Variants in COXFA4 observed in about 807,000 individuals in gnomAD.
COXFA4 encodes the protein cytochrome c oxidase associated subunit FA4, also known as cytochrome c oxidase subunit FA4.
chr7:10,938,333 A>C, the COXFA4 span: 1 of 576,930 alleles, frequency 1.7e-6, no homozygotes, highest in Non-Finnish European at 3.0e-6. Context: ...ATTAGAAAAA[A>C]GGTAGAACAC....
the COXFA4 span, chr7:10,938,688 A>T: frequency 1.3e-6 from 1 of 754,816 alleles, no homozygotes; most frequent in Non-Finnish European, 2.4e-6. Flanking sequence ...ATCTGAACTT[A>T]TTGTATGACT....
the COXFA4 span, chr7:10,939,911 G>A: frequency 1.5e-6 from 2 of 1,299,326 alleles, no homozygotes; most frequent in Non-Finnish European, 2.2e-6. Context: ...TGGTCTGACG[G>A]ACGGTAAGTG....
the COXFA4 span, chr7:10,938,350 C>T: frequency 1.9e-4 from 103 of 546,358 alleles, no homozygotes; most frequent in East Asian, 2.9e-3. Context: ...ACACAGAATC[C>T]CTATCACAAG....
the COXFA4 span, chr7:10,938,766 C>T: frequency 6.7e-7 from 1 of 1,485,796 alleles, no homozygotes; most frequent in Non-Finnish European, 9.4e-7. Context: ...CCTAAACTGC[C>T]TTGATCAGCT....
the COXFA4 span, among the ~76,000 whole-genome samples, chr7:10,934,620 G>T: frequency 6.6e-6 from 1 of 152,026 alleles, no homozygotes; most frequent in Admixed American, 6.6e-5. Flanking sequence ...ATTTTCTTCA[G>T]GGTTTTTAAG....
the COXFA4 span, among the ~76,000 whole-genome samples, chr7:10,937,401 G>A: frequency 6.6e-6 from 1 of 151,398 alleles, no homozygotes; most frequent in African/African-American, 2.4e-5. Context: ...TCCTGCCTCA[G>A]CCTCCCGAGC....
At chr7:10,935,243 T>C in the COXFA4 span, among the ~76,000 whole-genome samples, 4 of 152,242 alleles carry the variant, frequency 2.6e-5, no homozygotes, top group Admixed American at 1.3e-4. Context: ...AAATTCTCTC[T>C]AGAATTTTAA....
At chr7:10,939,180 A>T in the COXFA4 span, 14 of 334,808 alleles carry the variant, frequency 4.2e-5, no homozygotes, top group African/African-American at 2.3e-4. Flanking sequence ...ATTTCCAAGA[A>T]AATGTATCGA....
At chr7:10,939,192 T>C in the COXFA4 span, 12 of 325,912 alleles carry the variant, frequency 3.7e-5, no homozygotes, top group Admixed American at 1.4e-4. Context: ...ATGTATCGAG[T>C]CTTCTTCACC....
chr7:10,936,609 G>C, the COXFA4 span, among the ~76,000 whole-genome samples: 1 of 152,178 alleles, frequency 6.6e-6, no homozygotes, highest in African/African-American at 2.4e-5. Context: ...ATATAACACA[G>C]ATGAGATCGA....
chr7:10,939,012 T>G, the COXFA4 span: 1 of 777,198 alleles, frequency 1.3e-6, no homozygotes, highest in Non-Finnish European at 2.2e-6. Context: ...ATTGGACTGT[T>G]TTGTCTTAAA....
chr7:10,934,377 A>T, the COXFA4 span, among the ~76,000 whole-genome samples: 1 of 61,746 alleles, frequency 1.6e-5, no homozygotes, highest in Non-Finnish European at 2.7e-5. Context: ...TGATTGCTTT[A>T]AAAAAAAAAA....
chr7:10,932,589 C>G, the COXFA4 span: 1 of 152,198 alleles, frequency 6.6e-6, no homozygotes, highest in African/African-American at 2.4e-5. Flanking sequence ...CCTCAAGTTT[C>G]TATGATGTGA....
the COXFA4 span, chr7:10,939,610 T>G: frequency 5.2e-6 from 1 of 191,574 alleles, no homozygotes; most frequent in Non-Finnish European, 1.1e-5. Context: ...GGCCTGGTGG[T>G]GCAATGCGGC....
At chr7:10,936,998 T>A in the COXFA4 span, among the ~76,000 whole-genome samples, 1 of 152,064 alleles carries the variant, frequency 6.6e-6, no homozygotes, top group Non-Finnish European at 1.5e-5. Flanking sequence ...ATAATGGCAC[T>A]GCACTCCAGC....
At chr7:10,934,695 G>A in the COXFA4 span, among the ~76,000 whole-genome samples, 4 of 151,728 alleles carry the variant, frequency 2.6e-5, no homozygotes, top group Admixed American at 6.6e-5. Flanking sequence ...AAATATACCC[G>A]AACTTATTTA....
the COXFA4 span, chr7:10,939,901 TG>T: frequency 1.7e-6 from 2 of 1,163,028 alleles, no homozygotes; most frequent in Non-Finnish European, 2.6e-6. Context: ...AGGCAGGGTC[TG>T]GTCTGACGGA....
At chr7:10,937,140 A>G in the COXFA4 span, among the ~76,000 whole-genome samples, 1 of 152,182 alleles carries the variant, frequency 6.6e-6, no homozygotes. Flanking sequence ...TGTTCTTCAG[A>G]GTGATAAATC....
At chr7:10,936,216 A>G in the COXFA4 span, among the ~76,000 whole-genome samples, 6 of 152,208 alleles carry the variant, frequency 3.9e-5, no homozygotes, top group African/African-American at 1.4e-4. Flanking sequence ...CTGTCATTTC[A>G]TAACATGACA....
Sources: allele counts gnomAD v4.1 joint callset (sites outside exome capture counted in the v4.1 genomes callset), GRCh38; gene constraint gnomAD v4.1.1; transcripts MANE v1.5; gene names NCBI Gene and HGNC (gene_info 2026-07-23, HGNC 2026-07-21).